The following GRIP1 variants were observed in gnomAD, a reference collection of about 807,000 sequenced individuals.
GRIP1 encodes the protein glutamate receptor-interacting protein 1.
GRIP1 carries 45 observed loss-of-function variants against 129.9 expected under a neutral mutation model. The observed-to-expected ratio is 0.35, with a 90% confidence interval of 0.27 to 0.44. The LOEUF is 0.44. GRIP1 is among the 20% of genes least tolerant of loss of function. GRIP1 has a pLI of 1.00. For missense variants in GRIP1, 1,196 were observed against 1,396.8 expected (o/e 0.86, Z 2.29); for synonymous variants, 530 against 520.8 (o/e 1.02, Z -0.24).
chr12:66,535,668 T>A (rs896505469), intron 4 of GRIP1, among the ~76,000 whole-genome samples: 1 of 152,100 alleles, frequency 6.6e-6, no homozygotes, highest in African/African-American at 2.4e-5. Flanking sequence ...AACGAAAAAA[T>A]GTTGTAGCAA....
chr12:66,879,815 G>A (rs539727386), intron 1 of GRIP1, among the ~76,000 whole-genome samples: 1 of 152,006 alleles, frequency 6.6e-6, no homozygotes, highest in Non-Finnish European at 1.5e-5. Context: ...GAGTAGATAA[G>A]GCAGAGCTTA....
intron 1 of GRIP1, among the ~76,000 whole-genome samples, chr12:66,645,559 G>A (rs1251910402): frequency 6.6e-6 from 1 of 152,154 alleles, no homozygotes. Context: ...CAAAGCCAGA[G>A]CTTTGCCACT....
Position 66,585,105 on chromosome 12 carries a change from CTT to C in GRIP1, c.136+11740_136+11741del, listed in dbSNP as rs143307283. 1.5e-4 allele frequency among the ~76,000 whole-genome samples: 17 copies of C among 113,116 alleles called. 1 individual carries two copies. Among genetic ancestry groups the C allele is most frequent in the African/African-American group, 5.3e-4 (17 of 31,790 alleles). The allele number at this position is 113,116 out of a possible 152,430, so 74.2% of individuals were successfully genotyped here. A position where few individuals can be genotyped will look rare whatever the true frequency, so the allele number is the denominator to read the frequency against. On this transcript the variant is annotated intron_variant, in intron 2 of 24. Coordinates refer to ENST00000359742, the MANE Select transcript of GRIP1 (RefSeq NM_001366722.1). ...TCAGATATACTTCTTTTTTTTCCTT[CTT>C]TTTTTTTATTATACTTTAAGTTTTA...
intron 1 of GRIP1, among the ~76,000 whole-genome samples, chr12:66,785,628 G>A (rs1435497489): frequency 6.6e-6 from 1 of 151,938 alleles, no homozygotes; most frequent in East Asian, 1.9e-4. Flanking sequence ...GTAGTAAAGT[G>A]ACCCAATCCA....
chr12:66,655,406 G>C (rs1056406986), intron 1 of GRIP1, among the ~76,000 whole-genome samples: 14 of 152,002 alleles, frequency 9.2e-5, no homozygotes, highest in Non-Finnish European at 8.8e-5. Context: ...TGCCACATGT[G>C]CAGCCTCCCC....
intron 1 of GRIP1, among the ~76,000 whole-genome samples, chr12:66,954,477 C>A (rs1033991612): frequency 6.6e-6 from 1 of 152,190 alleles, no homozygotes; most frequent in Non-Finnish European, 1.5e-5. Context: ...GGAACCCCAT[C>A]CCTGTCTCAA....
At chr12:66,490,159 C>T (rs2060066626) in intron 7 of GRIP1, among the ~76,000 whole-genome samples, 2 of 152,094 alleles carry the variant, frequency 1.3e-5, no homozygotes, top group South Asian at 2.1e-4. Flanking sequence ...AAAAAAGAGC[C>T]TGTATTGCCA....
intron 1 of GRIP1, among the ~76,000 whole-genome samples, chr12:66,711,296 C>T (rs866572591): frequency 1.1e-4 from 16 of 151,972 alleles, no homozygotes; most frequent in African/African-American, 2.9e-4. Flanking sequence ...AAAATGAATT[C>T]GTAATTGATG....
chr12:66,406,452 C>A (rs1207464031), intron 15 of GRIP1, 24 bp from the exon 16 acceptor site: 1 of 1,611,320 alleles, frequency 6.2e-7, no homozygotes, highest in Admixed American at 1.7e-5. Context: ...CAAAGTAACA[C>A]ATGACTAATG....
At chr12:66,476,000 G>A (rs943135909) in intron 7 of GRIP1, among the ~76,000 whole-genome samples, 8 of 152,012 alleles carry the variant, frequency 5.3e-5, no homozygotes, top group African/African-American at 1.9e-4. Context: ...CTAGCAGAAG[G>A]CAAGAAATAA....
intron 23 of GRIP1, among the ~76,000 whole-genome samples, chr12:66,354,896 A>G (rs1274127272): frequency 2.0e-5 from 3 of 152,178 alleles, no homozygotes; most frequent in Non-Finnish European, 4.4e-5. Context: ...ACTATTCACC[A>G]ACCAGTCCCA....
At chr12:66,728,651 G>A (rs951495468) in intron 1 of GRIP1, among the ~76,000 whole-genome samples, 4 of 152,140 alleles carry the variant, frequency 2.6e-5, no homozygotes, top group Non-Finnish European at 5.9e-5. Flanking sequence ...AAGAAGGAAT[G>A]AATGGATACA....
chr12:66,609,753 T>C (rs369207482), intron 1 of GRIP1, among the ~76,000 whole-genome samples: 127 of 152,276 alleles, frequency 8.3e-4, no homozygotes, highest in African/African-American at 2.9e-3. Context: ...TTTTGGAGCA[T>C]TATACTCAGG....
At chr12:66,813,839 T>C (rs770018222) in intron 1 of GRIP1, among the ~76,000 whole-genome samples, 4 of 152,150 alleles carry the variant, frequency 2.6e-5, no homozygotes, top group African/African-American at 4.8e-5. Context: ...TAGGAGCACA[T>C]AGAACTCAGT....
intron 1 of GRIP1, among the ~76,000 whole-genome samples, chr12:66,732,687 A>G (rs1244763227): frequency 6.6e-6 from 1 of 152,180 alleles, no homozygotes; most frequent in Non-Finnish European, 1.5e-5. Context: ...ACAAGAATAT[A>G]GTATATAATA....
intron 7 of GRIP1, among the ~76,000 whole-genome samples, chr12:66,506,650 C>T (rs377003471): frequency 1.3e-5 from 2 of 152,198 alleles, no homozygotes; most frequent in Non-Finnish European, 1.5e-5. Flanking sequence ...GATTTCAGTG[C>T]TTTTCTCTTT....
intron 1 of GRIP1, among the ~76,000 whole-genome samples, chr12:66,597,938 G>A (rs1474966622): frequency 6.6e-6 from 1 of 152,124 alleles, no homozygotes; most frequent in East Asian, 1.9e-4. Flanking sequence ...AGATGCACAT[G>A]GCTTGAGTAA....
chr12:66,444,939 C>T (rs983409092), intron 12 of GRIP1, among the ~76,000 whole-genome samples: 1 of 152,054 alleles, frequency 6.6e-6, no homozygotes, highest in Non-Finnish European at 1.5e-5. Context: ...CTGAAGTATC[C>T]CAGAGAAGTA....
chr12:66,607,497 C>A (rs917869121), intron 1 of GRIP1, among the ~76,000 whole-genome samples: 4 of 152,172 alleles, frequency 2.6e-5, no homozygotes, highest in African/African-American at 9.6e-5. Flanking sequence ...AGTTCATGGC[C>A]TTCTGCTTAC....
Sources: allele counts gnomAD v4.1 joint callset (sites outside exome capture counted in the v4.1 genomes callset), GRCh38; gene constraint gnomAD v4.1.1; transcripts MANE v1.5; gene names NCBI Gene and HGNC (gene_info 2026-07-23, HGNC 2026-07-21).